Variants in GALNT17 observed in about 807,000 individuals in gnomAD.
GALNT17 encodes UDP-GalNAc:polypeptide N-acetylgalactosaminyltransferase-like 3.
Under a neutral mutation model 63.7 loss-of-function variants are expected in GALNT17, and 29 were observed. That is an observed-to-expected ratio of 0.46 (90% confidence interval 0.34 to 0.62). The LOEUF (loss-of-function observed/expected upper bound fraction) is 0.62, where lower values mean the gene tolerates loss of function less well. Ranked by LOEUF, GALNT17 falls within the 20% of genes least tolerant of loss-of-function variation. GALNT17 has a pLI of 0.01. For missense variants in GALNT17, 603 were observed against 799.6 expected, an observed-to-expected ratio of 0.75 and a Z score of 2.97; for synonymous variants, 305 against 318.3, an observed-to-expected ratio of 0.96 and a Z score of 0.45.
intron 1 of GALNT17, among the ~76,000 whole-genome samples, chr7:71,142,668 C>T (rs1016467776): frequency 2.6e-5 from 4 of 152,300 alleles, no homozygotes; most frequent in South Asian, 4.1e-4. Flanking sequence ...TGGCTGGGTG[C>T]GGTGGCTCAC....
chr7:71,711,052 C>G (rs1791785137), intron 10 of GALNT17, 124 bp downstream of exon 10: 1 of 1,337,454 alleles, frequency 7.5e-7, no homozygotes, highest in Non-Finnish European at 1.0e-6. Context: ...GTCTCCCTGC[C>G]CCGGGCTGGG....
chr7:71,148,860 TTATATATA>T lies in GALNT17; in HGVS notation c.238+15846_238+15853del, dbSNP rs59163644. Among the ~76,000 whole-genome samples the T allele has an allele frequency of 5.1e-3, 525 of 103,264 alleles. 11 individuals are homozygous for T. The highest frequency in any genetic ancestry group is 0.019 in the African/African-American group (478 of 25,476). 67.7% of individuals were successfully genotyped at this position (103,264 alleles called of 152,430 possible). ...GAAATACAGTAGTATTATGGTATTTTTATATATATATATATATATATATATATATATAT... is the reference window on the plus strand; with the variant it reads ...GAAATACAGTAGTATTATGGTATTTTTATATATATATATATATATATATAT... On this transcript the variant is annotated intron_variant, in intron 1 of 10. Transcript: ENST00000333538.
chr7:71,598,109 A>G (rs191375419), intron 6 of GALNT17, among the ~76,000 whole-genome samples: 64 of 151,990 alleles, frequency 4.2e-4, no homozygotes, highest in African/African-American at 1.4e-3. Context: ...ATGCCCGGCT[A>G]ATTTTTGTAT....
At position 71,415,920 on chromosome 7, in the gene GALNT17, C is replaced by T; in HGVS notation, c.621C>T (p.Val207=). Residue 207 remains valine, a synonymous_variant, in exon 4 of 11, where the codon GTC becomes GTT. Coordinates refer to ENST00000333538, the MANE Select transcript of GALNT17 (RefSeq NM_022479.3). ...EELKVPLEEY[V]HKRYPGLVKV... is the part of the protein sequence containing the mutation. Reference sequence around the variant, plus strand: ...TGAAGGTCCCCCTAGAGGAGTATGTCCACAAACGCTACCCCGGGCTGGTGA... The same window carrying T: ...TGAAGGTCCCCCTAGAGGAGTATGTTCACAAACGCTACCCCGGGCTGGTGA... 6.2e-7 allele frequency: 1 copy of T among 1,612,428 alleles called. No homozygotes were observed. The highest frequency in any genetic ancestry group is 8.5e-7 in the Non-Finnish European group (1 of 1,179,214).
chr7:71,504,403 A>G (rs911874123), intron 5 of GALNT17, among the ~76,000 whole-genome samples: 1 of 152,036 alleles, frequency 6.6e-6, no homozygotes, highest in Non-Finnish European at 1.5e-5. Flanking sequence ...AAATAAATAA[A>G]TAAATAAATA....
At chr7:71,500,897 C>A (rs1305034276) in intron 5 of GALNT17, among the ~76,000 whole-genome samples, 1 of 152,140 alleles carries the variant, frequency 6.6e-6, no homozygotes, top group Non-Finnish European at 1.5e-5. Flanking sequence ...CCATATCGAT[C>A]TAGTTTAGAT....
intron 5 of GALNT17, among the ~76,000 whole-genome samples, chr7:71,539,095 T>C (rs1002243625): frequency 1.1e-4 from 17 of 152,166 alleles, no homozygotes; most frequent in Admixed American, 6.5e-5. Context: ...CGTGCTCAAC[T>C]AATTTTTGTA....
At chr7:71,487,450 G>A (rs537141862) in intron 5 of GALNT17, among the ~76,000 whole-genome samples, 7 of 152,246 alleles carry the variant, frequency 4.6e-5, no homozygotes, top group Admixed American at 4.6e-4. Flanking sequence ...CAGCGTCCAG[G>A]GAATAGTTGA....
chr7:71,214,113 A>G (rs187800646), intron 1 of GALNT17, among the ~76,000 whole-genome samples: 1 of 152,270 alleles, frequency 6.6e-6, no homozygotes, highest in African/African-American at 2.4e-5. Flanking sequence ...GGCCCTTCCC[A>G]TGAGTGCCCT....
intron 1 of GALNT17, among the ~76,000 whole-genome samples, chr7:71,247,427 G>T (rs1348926525): frequency 6.6e-6 from 1 of 151,960 alleles, no homozygotes; most frequent in Non-Finnish European, 1.5e-5. Context: ...ATAACTTCAG[G>T]CTCCTAGAAA....
At position 71,141,034 on chromosome 7, in the gene GALNT17, AC is replaced by A. The variant is rs200570432; in HGVS notation, c.238+7999del. 7.4e-3 allele frequency among the ~76,000 whole-genome samples: 890 copies of A among 119,532 alleles called. 13 individuals are homozygous for A. Among genetic ancestry groups the A allele is most frequent in the African/African-American group, 0.026 (790 of 30,412 alleles). 78.4% of individuals were successfully genotyped at this position (119,532 alleles called of 152,430 possible). Reference sequence around the variant, plus strand: ...AGCAAGACCCAAACTCTAAAAAAAAACCCCCAAACCAGTGTATTAAAAGGAC... The same window carrying A: ...AGCAAGACCCAAACTCTAAAAAAAAACCCCAAACCAGTGTATTAAAAGGAC... On this transcript the variant is annotated intron_variant, in intron 1 of 10. Transcript: ENST00000333538.
In GALNT17 at chr7:71,429,331, A is replaced by G. The variant is rs1002945223; in HGVS notation, c.962+8226A>G. On this transcript the variant is annotated intron_variant, in intron 5 of 10. Coordinates refer to ENST00000333538, the MANE Select transcript of GALNT17 (RefSeq NM_022479.3). ...TTGGTCTTGAATGGTAGGAAGGGAA[A>G]GGTCATGCTGTCTGACTCACATTTT... Among the ~76,000 whole-genome samples the G allele has an allele frequency of 2.2e-4, 34 of 152,156 alleles. 1 individual carries two copies. Among genetic ancestry groups the G allele is most frequent in the African/African-American group, 6.5e-4 (27 of 41,448 alleles).
At chr7:71,460,284 A>G (rs1189362637) in intron 5 of GALNT17, among the ~76,000 whole-genome samples, 1 of 152,190 alleles carries the variant, frequency 6.6e-6, no homozygotes, top group African/African-American at 2.4e-5. Context: ...GGACCATAGG[A>G]GTGGGAGGGA....
At chr7:71,258,231 C>T (rs886650469) in intron 1 of GALNT17, among the ~76,000 whole-genome samples, 5 of 152,244 alleles carry the variant, frequency 3.3e-5, no homozygotes, top group African/African-American at 4.8e-5. Flanking sequence ...CCCATATTAT[C>T]TGTGTCAACA....
intron 1 of GALNT17, among the ~76,000 whole-genome samples, chr7:71,203,658 T>A (rs1352420983): frequency 6.6e-6 from 1 of 152,180 alleles, no homozygotes; most frequent in African/African-American, 2.4e-5. Flanking sequence ...CTGCAGGCTT[T>A]GCAGGAAGTA....
intron 6 of GALNT17, among the ~76,000 whole-genome samples, chr7:71,658,635 C>T (rs1790863805): frequency 6.6e-6 from 1 of 152,140 alleles, no homozygotes; most frequent in Non-Finnish European, 1.5e-5. Flanking sequence ...CACCTGTAAT[C>T]CCAGCACTTT....
intron 9 of GALNT17, among the ~76,000 whole-genome samples, chr7:71,684,404 G>A (rs945524885): frequency 6.6e-6 from 1 of 152,170 alleles, no homozygotes; most frequent in East Asian, 1.9e-4. Flanking sequence ...GAACGCCCCC[G>A]ATGGCTCTGC....
intron 1 of GALNT17, among the ~76,000 whole-genome samples, chr7:71,142,776 A>G (rs1413092464): frequency 6.6e-6 from 1 of 151,940 alleles, no homozygotes; most frequent in Non-Finnish European, 1.5e-5. Flanking sequence ...TTTTTTCTCT[A>G]CTAAAAATAC....
At chr7:71,709,875 G>T (rs539907489) in intron 9 of GALNT17, among the ~76,000 whole-genome samples, 1 of 152,120 alleles carries the variant, frequency 6.6e-6, no homozygotes, top group Non-Finnish European at 1.5e-5. Context: ...CTGGGATCAC[G>T]GGCATGAGCC....
Sources: allele counts gnomAD v4.1 joint callset (sites outside exome capture counted in the v4.1 genomes callset), GRCh38; gene constraint gnomAD v4.1.1; transcripts MANE v1.5; gene names NCBI Gene and HGNC (gene_info 2026-07-23, HGNC 2026-07-21).